The following POSTN variants were observed in gnomAD, a reference collection of about 807,000 sequenced individuals.
The protein encoded by POSTN is osteoblast specific factor 2 (fasciclin I-like).
POSTN carries 71 observed loss-of-function variants against 104.5 expected under a neutral mutation model. The observed-to-expected ratio is 0.68, with a 90% CI of 0.56 to 0.83. The LOEUF (loss-of-function observed/expected upper bound fraction) is 0.83. Ranked by LOEUF, POSTN falls within the 40% of genes least tolerant of loss-of-function variation. POSTN has a pLI of 0.00. For missense variants in POSTN, 949 were observed against 1,006.8 expected (o/e 0.94, Z 0.78); for synonymous variants, 355 against 340.7 (o/e 1.04, Z -0.46).
At chr13:37,566,269 A>G (rs1212084213) in intron 21 of POSTN, among the ~76,000 whole-genome samples, 2 of 152,196 alleles carry the variant, frequency 1.3e-5, no homozygotes, top group African/African-American at 4.8e-5. Context: ...TGGCACAAAG[A>G]ACCACCCTAC....
chr13:37,576,356 A>C (rs1001268889), intron 16 of POSTN, among the ~76,000 whole-genome samples: 16 of 152,178 alleles, frequency 1.1e-4, no homozygotes, highest in African/African-American at 3.9e-4. Flanking sequence ...TAAAAGAAAC[A>C]TCTTACATTG....
intron 11 of POSTN, 100 bp from the exon 12 acceptor site, chr13:37,580,091 A>T: frequency 9.1e-7 from 1 of 1,102,710 alleles, no homozygotes; most frequent in South Asian, 1.7e-5. Context: ...TGTGGAAAGC[A>T]TGAGAGAACT....
intron 2 of POSTN, among the ~76,000 whole-genome samples, chr13:37,596,707 C>T (rs927183201): frequency 9.2e-5 from 14 of 152,132 alleles, no homozygotes; most frequent in South Asian, 4.1e-4. Flanking sequence ...GAAAACTCTC[C>T]GGTAAACTGG....
intron 12 of POSTN, 127 bp from the exon 13 acceptor site, chr13:37,579,486 A>G: frequency 1.2e-6 from 1 of 810,144 alleles, no homozygotes; most frequent in East Asian, 2.6e-5. Flanking sequence ...TTATTCTCTC[A>G]AGTAGATATC....
chr13:37,564,739 TAGAC>T (rs939508920), intron 21 of POSTN, 179 bp from the exon 22 acceptor site: 12 of 434,562 alleles, frequency 2.8e-5, no homozygotes, highest in African/African-American at 1.0e-4. Context: ...AAAGGACAAG[TAGAC>T]AGACAGTGTT....
At chr13:37,575,193 T>C (rs1306094702) in intron 16 of POSTN, among the ~76,000 whole-genome samples, 1 of 151,758 alleles carries the variant, frequency 6.6e-6, no homozygotes, top group African/African-American at 2.4e-5. Flanking sequence ...CAGCCAGACA[T>C]GAGCTCTATT....
At chr13:37,581,883 G>A (rs112908451) in intron 10 of POSTN, among the ~76,000 whole-genome samples, 6,307 of 152,262 alleles carry the variant, frequency 0.041, 158 homozygotes, top group Non-Finnish European at 0.065. Flanking sequence ...ATAATGAAAT[G>A]TTTTGAAATG....
In POSTN at chr13:37,590,440, C is replaced by T; in HGVS notation, c.373G>A (p.Glu125Lys). 6.2e-7 allele frequency: 1 copy of T among 1,613,136 alleles called. No individual in the cohort carries two copies. The highest frequency in any genetic ancestry group is 8.5e-7 in the Non-Finnish European group (1 of 1,179,504). ...RYSDASKLRE[E>K]IEGKGSFTYF... is the part of the protein sequence containing the mutation. ...GTGAAGGATCCCTTTCCCTCGATCT[C>T]CTCCCTCAGTTTTGAGGCGTCAGAA... Residue 125 changes from glutamate (E) to lysine (K), a missense_variant, in exon 4 of 23, where the codon GAG (glutamate) becomes AAG (lysine). Physicochemically the swap from Glu to Lys is moderately conservative, Grantham distance 56. Transcript: ENST00000379747.
rs765386844 is a variant in POSTN at position 37,586,819 on chromosome 13, T to G, written c.716A>C (p.Asp239Ala). 1.9e-6 allele frequency: 3 copies of G among 1,613,182 alleles called. No individual in the cohort carries two copies. The highest frequency in any genetic ancestry group is 2.5e-6 in the Non-Finnish European group (3 of 1,179,356). The change falls in exon 6 of 23, where the codon GAC becomes GCC. Residue 239 changes from aspartate (D) to alanine (A), a missense_variant. Coordinates refer to ENST00000379747, the MANE Select transcript of POSTN (RefSeq NM_006475.3). ...AAGGTCATCTTCTGCTTCAATGAAG[T>G]CTTGAATTGAGGTACCAATTTGTGT... ...VLTQIGTSIQDFIEAEDDLSS... is the reference protein window; with the variant it reads ...VLTQIGTSIQAFIEAEDDLSS...
intron 16 of POSTN, among the ~76,000 whole-genome samples, chr13:37,576,891 T>A (rs1474041189): frequency 6.6e-6 from 1 of 152,020 alleles, no homozygotes; most frequent in African/African-American, 2.4e-5. Context: ...CTAGTATAAA[T>A]CTTAAGGGAA....
At chr13:37,594,426 G>A (rs753445190) in intron 2 of POSTN, among the ~76,000 whole-genome samples, 21 of 151,774 alleles carry the variant, frequency 1.4e-4, no homozygotes, top group Non-Finnish European at 2.4e-4. Flanking sequence ...ATCTCTGAGC[G>A]GATATTTTGA....
chr13:37,566,272 C>T (rs1056834441), intron 21 of POSTN, among the ~76,000 whole-genome samples: 2 of 152,144 alleles, frequency 1.3e-5, no homozygotes, highest in African/African-American at 4.8e-5. Flanking sequence ...CACAAAGAAC[C>T]ACCCTACATC....
chr13:37,563,793 A>G (rs929653438), intron 22 of POSTN, among the ~76,000 whole-genome samples: 5 of 151,950 alleles, frequency 3.3e-5, no homozygotes, highest in Non-Finnish European at 7.4e-5. Flanking sequence ...CAAACTTGCA[A>G]TTCCAAACTT....
At chr13:37,597,382 T>A in intron 1 of POSTN, 100 bp from the exon 2 acceptor site, 1 of 714,964 alleles carries the variant, frequency 1.4e-6, no homozygotes. Context: ...AGATGTGGAT[T>A]TGATATCCAA....
chr13:37,574,455 T>A (rs575553035), intron 17 of POSTN, 117 bp downstream of exon 17: 9 of 1,347,514 alleles, frequency 6.7e-6, no homozygotes, highest in Non-Finnish European at 8.8e-6. Context: ...GGTATAATAT[T>A]GGTTATATAA....
In POSTN at chr13:37,577,670, A is replaced by C. The variant is rs1950447812; in HGVS notation, c.2008+83T>G. On this transcript the variant is annotated intron_variant, in intron 16 of 22. Coordinates refer to ENST00000379747, the MANE Select transcript of POSTN (RefSeq NM_006475.3). ...GAATTCTAAATACCAGATTATCAATAATCTCTGTAAATACAAAGAAATGTA... is the reference window on the plus strand; with the variant it reads ...GAATTCTAAATACCAGATTATCAATCATCTCTGTAAATACAAAGAAATGTA... 4 of 1,519,444 alleles carry C rather than the reference A, an allele frequency of 2.6e-6. No homozygotes were observed. The African/African-American group carries it at 4.2e-5, about 16-fold the overall frequency. 94.1% of individuals were successfully genotyped at this position (1,519,444 alleles called of 1,614,324 possible).
chr13:37,575,931 C>T (rs1298009549), intron 16 of POSTN, among the ~76,000 whole-genome samples: 1 of 152,110 alleles, frequency 6.6e-6, no homozygotes, highest in Non-Finnish European at 1.5e-5. Flanking sequence ...ACACAGGGCT[C>T]TCTATTGCTG....
Position 37,579,011 on chromosome 13 carries a change from T to C in POSTN, c.1894+8A>G, listed in dbSNP as rs754461151. 2 of 1,611,894 alleles carry C rather than the reference T, an allele frequency of 1.2e-6. No individual in the cohort carries two copies. The highest frequency in any genetic ancestry group is 1.7e-6 in the Non-Finnish European group (2 of 1,179,124). On this transcript the variant is annotated splice_region_variant and intron_variant, in intron 14 of 22. Coordinates refer to ENST00000379747, the MANE Select transcript of POSTN (RefSeq NM_006475.3). Reference sequence around the variant, plus strand: ...CTTAGCCTATCAATGAGTTCAATAATTACAAACCTGCTGGATAGAGGAGTT... The same window carrying C: ...CTTAGCCTATCAATGAGTTCAATAACTACAAACCTGCTGGATAGAGGAGTT...
intron 3 of POSTN, among the ~76,000 whole-genome samples, chr13:37,591,182 G>A (rs1278577499): frequency 6.6e-6 from 1 of 152,082 alleles, no homozygotes; most frequent in Non-Finnish European, 1.5e-5. Flanking sequence ...ACCCTAAAAA[G>A]ATGGAGAAAT....
Sources: allele counts gnomAD v4.1 joint callset (sites outside exome capture counted in the v4.1 genomes callset), GRCh38; gene constraint gnomAD v4.1.1; transcripts MANE v1.5; gene names NCBI Gene and HGNC (gene_info 2026-07-23, HGNC 2026-07-21).